The following MIPEP variants were observed in gnomAD, a reference collection of about 807,000 sequenced individuals.
MIPEP encodes the protein mitochondrial intermediate peptidase.
A neutral mutation model predicts 90.3 loss-of-function variants in MIPEP; 79 were observed. That is an observed-to-expected ratio of 0.87 (90% CI 0.73 to 1.05). MIPEP has a LOEUF of 1.05. MIPEP is among the 50% of genes least tolerant of loss of function. The probability of loss-of-function intolerance (pLI) is 0.00; values close to 1 mark genes in which losing one functional copy is unlikely to be tolerated. For synonymous variants in MIPEP, 334 were observed against 315.8 expected, an observed-to-expected ratio of 1.06 and a Z score of -0.61; for missense variants, 940 against 905.6, an observed-to-expected ratio of 1.04 and a Z score of -0.49.
chr13:23,869,961 G>C, intron 6 of MIPEP, 52 bp downstream of exon 6: 2 of 1,428,084 alleles, frequency 1.4e-6, no homozygotes, highest in Non-Finnish European at 1.9e-6. Flanking sequence ...GGTTAAAACA[G>C]TAGCAACACA....
intron 1 of MIPEP, among the ~76,000 whole-genome samples, chr13:23,888,326 CT>C (rs1190334872): frequency 1.3e-5 from 2 of 152,170 alleles, no homozygotes; most frequent in Admixed American, 1.3e-4. Context: ...GAATCACACA[CT>C]TTAGCTCAGT....
At position 23,803,012 on chromosome 13, in the gene MIPEP, C is replaced by T. The variant is rs181964898; in HGVS notation, c.1848+2938G>A. On this transcript the variant is annotated intron_variant, in intron 16 of 18. Coordinates refer to ENST00000382172, the MANE Select transcript of MIPEP (RefSeq NM_005932.4). ...TTACAATGGGTTATTGGGACTTGAC[C>T]GCATCATAAGTTGAGAAGCATCTGT... is the stretch of plus-strand genomic sequence containing the variant. Among the ~76,000 whole-genome samples, 502 of 152,092 alleles carry T rather than the reference C, an allele frequency of 3.3e-3. 7 individuals carry two copies. The highest frequency in any genetic ancestry group is 4.8e-3 in the Non-Finnish European group (328 of 68,002).
At position 23,765,027 on chromosome 13, in the gene MIPEP, C is replaced by T. The variant is rs781270585; in HGVS notation, c.1849-4810G>A. Among the ~76,000 whole-genome samples the T allele has an allele frequency of 7.9e-5, 12 of 152,158 alleles. No homozygotes were observed. The South Asian group carries it at 2.1e-3, about 26-fold the overall frequency. ...GTGGATTTCTTTCAATGAATACAGT[C>T]GAATACATATTGGCAGGTTCTGCAA... On this transcript the variant is annotated intron_variant, in intron 16 of 18. Transcript: ENST00000382172.
At chr13:23,831,383 C>CCA (rs58008469) in intron 14 of MIPEP, among the ~76,000 whole-genome samples, 2 of 40,856 alleles carry the variant, frequency 4.9e-5, no homozygotes, top group Non-Finnish European at 1.2e-4. Flanking sequence ...TTCCCCATGG[C>CCA]GGGGGGGGGA....
At chr13:23,762,359 A>G (rs1422588415) in intron 16 of MIPEP, among the ~76,000 whole-genome samples, 1 of 152,192 alleles carries the variant, frequency 6.6e-6, no homozygotes, top group Non-Finnish European at 1.5e-5. Flanking sequence ...ACGTGGCAGC[A>G]TACTCCCTGT....
At chr13:23,804,267 T>C (rs1953080760) in intron 16 of MIPEP, among the ~76,000 whole-genome samples, 1 of 152,246 alleles carries the variant, frequency 6.6e-6, no homozygotes, top group Non-Finnish European at 1.5e-5. Flanking sequence ...ACTGAAGTTT[T>C]GTAGCTTTGG....
chr13:23,776,408 T>C (rs1952717043), intron 16 of MIPEP, among the ~76,000 whole-genome samples: 1 of 152,120 alleles, frequency 6.6e-6, no homozygotes, highest in South Asian at 2.1e-4. Flanking sequence ...TAAGCTAGGG[T>C]AAAATCTGAA....
intron 10 of MIPEP, among the ~76,000 whole-genome samples, chr13:23,857,297 A>T (rs960377065): frequency 6.6e-6 from 1 of 152,220 alleles, no homozygotes; most frequent in Non-Finnish European, 1.5e-5. Flanking sequence ...TTTGAATAAC[A>T]GTTTATGTGT....
chr13:23,796,372 G>A (rs182276872), intron 16 of MIPEP, among the ~76,000 whole-genome samples: 42 of 152,100 alleles, frequency 2.8e-4, no homozygotes, highest in African/African-American at 9.2e-4. Context: ...AGCTGGCATC[G>A]TTCCACTGCA....
chr13:23,748,348 A>T (rs1365086631), intron 18 of MIPEP, among the ~76,000 whole-genome samples: 2 of 152,240 alleles, frequency 1.3e-5, no homozygotes, highest in Non-Finnish European at 2.9e-5. Context: ...AGCTGTGAAC[A>T]TGACAGTCAG....
At chr13:23,837,810 G>T in intron 12 of MIPEP, 54 bp from the exon 13 acceptor site, 1 of 1,382,198 alleles carries the variant, frequency 7.2e-7, no homozygotes, top group Non-Finnish European at 1.0e-6. Context: ...AATGTGAAGA[G>T]TAAAACAGTC....
At chr13:23,872,382 A>G (rs1227107101) in intron 5 of MIPEP, among the ~76,000 whole-genome samples, 1 of 152,136 alleles carries the variant, frequency 6.6e-6, no homozygotes, top group Non-Finnish European at 1.5e-5. Context: ...AATCGCTTGA[A>G]CCCGGGAGGC....
chr13:23,741,694 C>A (rs1163795554), intron 18 of MIPEP, among the ~76,000 whole-genome samples: 3 of 149,562 alleles, frequency 2.0e-5, no homozygotes, highest in South Asian at 2.1e-4. Flanking sequence ...GGAGGGAGAG[C>A]AAAAAAAAAT....
In MIPEP at chr13:23,778,940, G is replaced by C. The variant is rs139661442; in HGVS notation, c.1849-18723C>G. On this transcript the variant is annotated intron_variant, in intron 16 of 18. Coordinates refer to ENST00000382172, the MANE Select transcript of MIPEP (RefSeq NM_005932.4). ...GATTAATCTCACTCTCCTCAGAGGA[G>C]CCACCTCTACTCATGTTGTAACTCC... 3.3e-3 allele frequency among the ~76,000 whole-genome samples: 498 copies of C among 152,252 alleles called. 3 individuals carry two copies. Among genetic ancestry groups the C allele is most frequent in the African/African-American group, 0.011 (447 of 41,526 alleles).
chr13:23,839,934 G>A (rs181731298), intron 11 of MIPEP, among the ~76,000 whole-genome samples: 1 of 152,222 alleles, frequency 6.6e-6, no homozygotes, highest in Admixed American at 6.5e-5. Context: ...TTGGAATTCT[G>A]TGTCCAGGAC....
intron 16 of MIPEP, among the ~76,000 whole-genome samples, chr13:23,787,636 C>A (rs1211927649): frequency 6.6e-6 from 1 of 152,080 alleles, no homozygotes. Context: ...TCTCGTGTCC[C>A]CTACCACGGC....
At chr13:23,832,633 A>G (rs766423318) in intron 14 of MIPEP, among the ~76,000 whole-genome samples, 1 of 152,180 alleles carries the variant, frequency 6.6e-6, no homozygotes, top group African/African-American at 2.4e-5. Flanking sequence ...ATCTACAAGC[A>G]CTGAGAAGAG....
chr13:23,780,429 A>T (rs1054642540), intron 16 of MIPEP, among the ~76,000 whole-genome samples: 6 of 152,376 alleles, frequency 3.9e-5, no homozygotes, highest in African/African-American at 1.4e-4. Flanking sequence ...AACAGAAAGG[A>T]CATCCACACC....
intron 18 of MIPEP, among the ~76,000 whole-genome samples, chr13:23,739,951 C>G (rs1487397650): frequency 6.6e-6 from 1 of 152,166 alleles, no homozygotes; most frequent in Admixed American, 6.5e-5. Context: ...TCATACAGCA[C>G]CAAGGTGTCA....
Sources: gnomAD v4.1 joint callset for allele counts (sites outside exome capture counted in the v4.1 genomes callset) on GRCh38, gnomAD v4.1.1 for gene constraint, MANE v1.5 for transcripts, NCBI Gene and HGNC (gene_info 2026-07-23, HGNC 2026-07-21) for gene names.